ATRX: variants seen among roughly 807,000 people sequenced by gnomAD.
ATRX encodes the protein ATRX chromatin remodeler.
Under a neutral mutation model 172.6 loss-of-function variants are expected in ATRX, and 12 were observed. The observed-to-expected ratio is 0.07, with a 90% CI of 0.04 to 0.11. The LOEUF is 0.11. Ranked by LOEUF, ATRX falls within the 10% of genes least tolerant of loss-of-function variation. The pLI, the probability that ATRX is intolerant of heterozygous loss-of-function variation, is 1.00. For missense variants in ATRX, 1,368 were observed against 1,767.4 expected (o/e 0.77, Z 4.05); for synonymous variants, 674 against 594.7 (o/e 1.13, Z -1.94).
chrX:77,648,472 G>A (rs192648955), intron 15 of ATRX, among the ~76,000 whole-genome samples: 6 of 111,085 alleles, frequency 5.4e-5, no homozygotes, highest in Admixed American at 9.6e-5. Flanking sequence ...AAATGCATAC[G>A]TTAAAGAAGA....
chrX:77,533,528 GAA>G (rs2063651382), intron 30 of ATRX, among the ~76,000 whole-genome samples: 1 of 111,541 alleles, frequency 9.0e-6, no homozygotes, highest in African/African-American at 3.3e-5. Context: ...ACTAATGAAG[GAA>G]CAGAAAACCA....
At chrX:77,708,535 G>A (rs1417748910) in intron 2 of ATRX, among the ~76,000 whole-genome samples, 4 of 111,081 alleles carry the variant, frequency 3.6e-5, no homozygotes, top group Admixed American at 9.6e-5. Flanking sequence ...GGTGGCGCAC[G>A]CCTATAATCC....
At chrX:77,518,768 A>G (rs781932245) in intron 34 of ATRX, among the ~76,000 whole-genome samples, 1 of 111,448 alleles carries the variant, frequency 9.0e-6, no homozygotes, top group Non-Finnish European at 1.9e-5. Flanking sequence ...ACAGAGCTAC[A>G]GTAACCAAAA....
chrX:77,651,262 C>A (rs1437387834), intron 15 of ATRX, among the ~76,000 whole-genome samples: 1 of 89,397 alleles, frequency 1.1e-5, no homozygotes, highest in Non-Finnish European at 2.1e-5. Flanking sequence ...AAACAAGACT[C>A]GTCCTGTGTT....
At chrX:77,513,296 G>A (rs1412233852) in intron 34 of ATRX, among the ~76,000 whole-genome samples, 11 of 79,303 alleles carry the variant, frequency 1.4e-4, no homozygotes, top group Admixed American at 2.0e-4. Flanking sequence ...CAGCCTGGGC[G>A]ACAGAGCGAG....
intron 26 of ATRX, among the ~76,000 whole-genome samples, chrX:77,591,626 A>G (rs1383483110): frequency 3.6e-5 from 4 of 111,632 alleles, no homozygotes; most frequent in African/African-American, 1.3e-4. Flanking sequence ...GGAGTCTACT[A>G]TCTCCCAGTT....
chrX:77,686,375 A>T (rs983603346), intron 7 of ATRX, among the ~76,000 whole-genome samples: 13 of 111,205 alleles, frequency 1.2e-4, no homozygotes, highest in Middle Eastern at 4.2e-3. Context: ...ATTTTTTTTT[A>T]AAAAAGGGAG....
chrX:77,611,965 G>A (rs1310222115), intron 22 of ATRX, among the ~76,000 whole-genome samples: 1 of 111,918 alleles, frequency 8.9e-6, no homozygotes, highest in Non-Finnish European at 1.9e-5. Context: ...TTACATATAT[G>A]TATATTTCTT....
chrX:77,606,838 ATCAATCAATGTGATACATCGT>A (rs1557090863), intron 22 of ATRX, among the ~76,000 whole-genome samples: 1 of 111,191 alleles, frequency 9.0e-6, no homozygotes, highest in African/African-American at 3.3e-5. Flanking sequence ...ATATATGGAA[ATCAATCAATGTGATACATCGT>A]TATGAACAAA....
At chrX:77,655,214 A>C (rs1448519597) in intron 13 of ATRX, among the ~76,000 whole-genome samples, 1 of 111,166 alleles carries the variant, frequency 9.0e-6, no homozygotes, top group Non-Finnish European at 1.9e-5. Flanking sequence ...GGTTCAAAAA[A>C]AGTGAATGTA....
At chrX:77,689,602 A>G (rs2071774973) in intron 6 of ATRX, among the ~76,000 whole-genome samples, 3 of 112,286 alleles carry the variant, frequency 2.7e-5, no homozygotes, top group African/African-American at 9.7e-5. Flanking sequence ...CGACTGGGGG[A>G]AAAAGGCAGA....
intron 25 of ATRX, among the ~76,000 whole-genome samples, chrX:77,598,055 T>C (rs2066530399): frequency 8.9e-6 from 1 of 111,753 alleles, no homozygotes; most frequent in East Asian, 2.8e-4. Flanking sequence ...AACAGTGGAT[T>C]GGATAGAGAA....
At chrX:77,779,756 C>T (rs1743918269) in intron 1 of ATRX, among the ~76,000 whole-genome samples, 1 of 112,079 alleles carries the variant, frequency 8.9e-6, no homozygotes, top group Non-Finnish European at 1.9e-5. Context: ...AGCATTCCCC[C>T]AAAATATGGA....
chrX:77,530,630 AAAC>A (rs369240040), intron 30 of ATRX, among the ~76,000 whole-genome samples: 1,059 of 48,205 alleles, frequency 0.022, 7 homozygotes, highest in South Asian at 0.095. Context: ...ACAAACAAAC[AAAC>A]AAACAAAACA....
intron 30 of ATRX, among the ~76,000 whole-genome samples, chrX:77,542,638 A>C (rs958500531): frequency 9.0e-6 from 1 of 111,471 alleles, no homozygotes; most frequent in South Asian, 3.8e-4. Context: ...CAATGGAACA[A>C]AACAGAGGCC....
At position 77,523,412 on chromosome X, in the gene ATRX, G is replaced by T. The variant is rs2147763378; in HGVS notation, c.6700-11C>A. 8.3e-7 allele frequency: 1 copy of T among 1,203,137 alleles called. No individual in the cohort carries two copies. The highest frequency in any genetic ancestry group is 1.1e-6 in the Non-Finnish European group (1 of 888,765). On this transcript the variant is annotated splice_polypyrimidine_tract_variant and intron_variant, in intron 30 of 34. Transcript: ENST00000373344. The stretch of plus-strand genomic sequence containing the variant: ...TGCAAGTATGGTATCCTGTTTAGAG[G>T]GGTTGAAATAAGAGACAATTATTTT...
At chrX:77,597,660 G>A (rs1376697731) in intron 25 of ATRX, among the ~76,000 whole-genome samples, 1 of 111,683 alleles carries the variant, frequency 9.0e-6, no homozygotes. Flanking sequence ...CTTCTCAAAA[G>A]AGAACATACA....
At chrX:77,547,347 G>C (rs1404659519) in intron 30 of ATRX, among the ~76,000 whole-genome samples, 1 of 111,553 alleles carries the variant, frequency 9.0e-6, no homozygotes, top group Non-Finnish European at 1.9e-5. Context: ...TTATTTATAA[G>C]ACAGCTTGCC....
At chrX:77,531,910 A>G (rs1395807305) in intron 30 of ATRX, among the ~76,000 whole-genome samples, 1 of 112,239 alleles carries the variant, frequency 8.9e-6, no homozygotes, top group Non-Finnish European at 1.9e-5. Context: ...AAGCTTCTTA[A>G]GCTGATAAGA....
Sources: gnomAD v4.1 joint callset for allele counts (sites outside exome capture counted in the v4.1 genomes callset) on GRCh38, gnomAD v4.1.1 for gene constraint, MANE v1.5 for transcripts, NCBI Gene and HGNC (gene_info 2026-07-23, HGNC 2026-07-21) for gene names.